TTBK2: variants seen among roughly 807,000 people sequenced by gnomAD.
The protein encoded by TTBK2 is tau tubulin kinase 2, also known as tau-tubulin kinase 2.
Under a neutral mutation model 110.8 loss-of-function variants are expected in TTBK2, and 28 were observed. The observed-to-expected ratio is 0.25, with a 90% CI of 0.19 to 0.35. The LOEUF is 0.35. TTBK2 is among the 10% of genes least tolerant of loss of function. The pLI is 1.00. For missense variants in TTBK2, 1,369 were observed against 1,500.3 expected (o/e 0.91, Z 1.45); for synonymous variants, 532 against 527.3 (o/e 1.01, Z -0.12).
intron 12 of TTBK2, 132 bp downstream of exon 12, chr15:42,776,899 T>C: frequency 1.2e-6 from 1 of 857,522 alleles, no homozygotes; most frequent in Non-Finnish European, 1.8e-6. Flanking sequence ...ATAGACTCAG[T>C]GTTACAAAAA....
At position 42,860,769 on chromosome 15, in the gene TTBK2, G is replaced by A. The variant is rs367616141; in HGVS notation, c.217+11842C>T. Among the ~76,000 whole-genome samples, 30 of 150,550 alleles carry A rather than the reference G, an allele frequency of 2.0e-4. No individual in the cohort carries two copies. The East Asian group carries it at 3.5e-3, about 18-fold the overall frequency. ...CAACCTCCGCTTCCCAGGTTCAAGC[G>A]ATTCTCCTGCCTCAGCCTCCCAAGT... On this transcript the variant is annotated intron_variant, in intron 3 of 14. Transcript: ENST00000267890.
intron 3 of TTBK2, among the ~76,000 whole-genome samples, chr15:42,856,440 A>G (rs1595989364): frequency 1.3e-5 from 2 of 152,364 alleles, no homozygotes; most frequent in East Asian, 3.9e-4. Context: ...ATGGCAACAA[A>G]ATATAATGCA....
rs983847799 is a variant in TTBK2, at chr15:42,739,332, C to T, written c.*6463G>A. 4 of 152,174 alleles carry T rather than the reference C, an allele frequency of 2.6e-5. No homozygotes were observed. Among genetic ancestry groups the T allele is most frequent in the Non-Finnish European group, 5.9e-5 (4 of 68,030 alleles). The allele number at this position is 152,174 out of a possible 1,614,324, so 9.4% of individuals were successfully genotyped here. On this transcript the variant is annotated 3_prime_UTR_variant, in exon 15 of 15. Transcript: ENST00000267890. Reference sequence around the variant, plus strand: ...TATTAAAGTCATCTAACTCATTGGTCTTGTTCAACAAGAAAGAATTCTGGT... The same window carrying T: ...TATTAAAGTCATCTAACTCATTGGTTTTGTTCAACAAGAAAGAATTCTGGT...
At chr15:42,821,687 T>C (rs151140746) in intron 6 of TTBK2, among the ~76,000 whole-genome samples, 1 of 130,600 alleles carries the variant, frequency 7.7e-6, no homozygotes. Context: ...TTGTTTTTTG[T>C]TTTTTTTTTG....
At chr15:42,919,272 GCTT>G (rs1389512639) in intron 1 of TTBK2, among the ~76,000 whole-genome samples, 2 of 93,456 alleles carry the variant, frequency 2.1e-5, no homozygotes, top group Non-Finnish European at 4.4e-5. Flanking sequence ...CATCATTACT[GCTT>G]CTTTATTTAA....
At chr15:42,790,449 T>A (rs1178378612) in intron 10 of TTBK2, among the ~76,000 whole-genome samples, 1 of 151,686 alleles carries the variant, frequency 6.6e-6, no homozygotes, top group African/African-American at 2.4e-5. Context: ...CACACCCAGC[T>A]AATTTTTGTA....
chr15:42,748,406 G>A (rs557628747), intron 14 of TTBK2, among the ~76,000 whole-genome samples: 2 of 152,110 alleles, frequency 1.3e-5, no homozygotes, highest in African/African-American at 2.4e-5. Flanking sequence ...GCAGTGAGCC[G>A]GGATCGCACC....
At chr15:42,893,669 A>G (rs1596031853) in intron 1 of TTBK2, among the ~76,000 whole-genome samples, 1 of 54,590 alleles carries the variant, frequency 1.8e-5, no homozygotes, top group African/African-American at 4.6e-4. Flanking sequence ...ACGTCATAGA[A>G]AAAAAAAAAT....
At chr15:42,855,552 T>C (rs916858278) in intron 3 of TTBK2, among the ~76,000 whole-genome samples, 1 of 152,052 alleles carries the variant, frequency 6.6e-6, no homozygotes, top group African/African-American at 2.4e-5. Context: ...GATACGAAAT[T>C]TAAGCTTCAA....
Position 42,742,855 on chromosome 15 carries a change from A to C in TTBK2, c.*2940T>G, listed in dbSNP as rs1281847995. ...TCACTGAAACCTGAAATATGCCATC[A>C]CTAAGAGAACCCCCAAATAAAAAAT... On this transcript the variant is annotated 3_prime_UTR_variant, in exon 15 of 15. Transcript: ENST00000267890. The C allele has an allele frequency of 6.6e-6, 1 of 152,230 alleles. No homozygotes were observed. The highest frequency in any genetic ancestry group is 1.5e-5 in the Non-Finnish European group (1 of 68,040). 9.4% of individuals were successfully genotyped at this position (152,230 alleles called of 1,614,324 possible).
At chr15:42,892,492 A>G (rs1448695550) in intron 1 of TTBK2, among the ~76,000 whole-genome samples, 4 of 151,742 alleles carry the variant, frequency 2.6e-5, no homozygotes, top group African/African-American at 7.3e-5. Flanking sequence ...GGATTGATTG[A>G]GCTCAGGGGT....
intron 1 of TTBK2, among the ~76,000 whole-genome samples, chr15:42,885,660 C>A (rs924136040): frequency 3.3e-5 from 5 of 152,118 alleles, no homozygotes; most frequent in Non-Finnish European, 5.9e-5. Flanking sequence ...GCAAGTACCC[C>A]CCGACCTCTT....
intron 3 of TTBK2, chr15:42,871,649 T>C (rs753387091): frequency 1.6e-5 from 15 of 945,648 alleles, no homozygotes; most frequent in African/African-American, 1.8e-5. Context: ...AAGAGAAATG[T>C]GGAGAAAATA....
chr15:42,852,349 G>T (rs188669112), intron 3 of TTBK2, among the ~76,000 whole-genome samples: 2 of 152,092 alleles, frequency 1.3e-5, no homozygotes, highest in South Asian at 2.1e-4. Context: ...GATTACAGGC[G>T]TGAGCCACTG....
intron 4 of TTBK2, among the ~76,000 whole-genome samples, chr15:42,832,156 T>G (rs1013626432): frequency 2.6e-5 from 4 of 152,210 alleles, no homozygotes; most frequent in Non-Finnish European, 5.9e-5. Flanking sequence ...TAAGTGACAG[T>G]CTACAGCAGT....
At chr15:42,813,681 T>C (rs1891820677) in intron 7 of TTBK2, among the ~76,000 whole-genome samples, 1 of 151,446 alleles carries the variant, frequency 6.6e-6, no homozygotes. Flanking sequence ...CCCGTCTCTA[T>C]TAAAAAATAA....
intron 1 of TTBK2, among the ~76,000 whole-genome samples, chr15:42,879,862 T>C (rs1179861591): frequency 2.0e-5 from 3 of 151,864 alleles, no homozygotes; most frequent in African/African-American, 7.2e-5. Context: ...GCAGATGTGG[T>C]TGCATGTACT....
rs527717082 is a variant in TTBK2 at position 42,763,117 on chromosome 15, T to TAC, written c.1999-9872_1999-9871dup. Among the ~76,000 whole-genome samples the TAC allele has an allele frequency of 3.7e-5, 4 of 108,126 alleles. No homozygotes were observed. In the East Asian group the frequency reaches 8.7e-4, roughly 23 times the overall value. The allele number at this position is 108,126 out of a possible 152,430, so 70.9% of individuals were successfully genotyped here. A position where few individuals can be genotyped will look rare whatever the true frequency, so the allele number is the denominator to read the frequency against. Reference sequence around the variant, plus strand: ...ATATATATATACGTATATATATATATACACATATATATACATATATACATA... The same window carrying TAC: ...ATATATATATACGTATATATATATATACACACATATATATACATATATACATA... On this transcript the variant is annotated intron_variant, in intron 13 of 14. Coordinates refer to ENST00000267890, the MANE Select transcript of TTBK2 (RefSeq NM_173500.4).
chr15:42,864,594 G>GA (rs999448306), intron 3 of TTBK2, among the ~76,000 whole-genome samples: 28 of 149,716 alleles, frequency 1.9e-4, no homozygotes, highest in African/African-American at 5.6e-4. Flanking sequence ...CAAAAAAAAA[G>GA]AAAAAAAAAG....
Sources: allele counts gnomAD v4.1 joint callset (sites outside exome capture counted in the v4.1 genomes callset), GRCh38; gene constraint gnomAD v4.1.1; transcripts MANE v1.5; gene names NCBI Gene and HGNC (gene_info 2026-07-23, HGNC 2026-07-21).